ADK: variants seen among roughly 807,000 people sequenced by gnomAD.
ADK encodes N6,N6-dimethyladenosine kinase.
A neutral mutation model predicts 44.7 loss-of-function variants in ADK; 24 were observed. That is an observed-to-expected ratio of 0.54 (90% confidence interval 0.39 to 0.76). The LOEUF (loss-of-function observed/expected upper bound fraction) is 0.76, where lower values mean the gene tolerates loss of function less well. Ranked by LOEUF, ADK falls within the 30% of genes least tolerant of loss-of-function variation. The pLI, the probability that ADK is intolerant of heterozygous loss-of-function variation, is 0.00. For synonymous variants in ADK, 128 were observed against 142.6 expected, an observed-to-expected ratio of 0.90 and a Z score of 0.73; for missense variants, 321 against 425.1, an observed-to-expected ratio of 0.76 and a Z score of 2.15.
chr10:74,619,235 A>C (rs1322091976), intron 9 of ADK, among the ~76,000 whole-genome samples: 4 of 152,086 alleles, frequency 2.6e-5, no homozygotes, highest in Non-Finnish European at 5.9e-5. Flanking sequence ...CAGGCAGATC[A>C]CTTGAGGCCA....
chr10:74,437,618 T>C (rs1255739893), intron 6 of ADK, among the ~76,000 whole-genome samples: 1 of 152,210 alleles, frequency 6.6e-6, no homozygotes, highest in African/African-American at 2.4e-5. Context: ...ACCATTAGTA[T>C]TTTTCTCCTG....
At chr10:74,697,939 C>T (rs190632456) in intron 10 of ADK, among the ~76,000 whole-genome samples, 38 of 152,286 alleles carry the variant, frequency 2.5e-4, no homozygotes, top group Non-Finnish European at 1.9e-4. Flanking sequence ...ATACCAGATA[C>T]AATTTGTCAA....
At chr10:74,359,029 G>A (rs1842235375) in intron 4 of ADK, among the ~76,000 whole-genome samples, 1 of 151,914 alleles carries the variant, frequency 6.6e-6, no homozygotes, top group Non-Finnish European at 1.5e-5. Context: ...TTGACTCCTG[G>A]CTTCAAGCAA....
chr10:74,300,297 TCC>T lies in ADK; in HGVS notation c.195-14369_195-14368del, dbSNP rs1839974532. ...TTCCTTCCTTCCTTCCTTCCTTCCT[TCC>T]TTCCTTCCTTCTTTCCTTCCTTCCT... On this transcript the variant is annotated intron_variant, in intron 3 of 10. Coordinates refer to ENST00000539909, the MANE Select transcript of ADK (RefSeq NM_006721.4). Among the ~76,000 whole-genome samples, 3 of 85,882 alleles carry T rather than the reference TCC, an allele frequency of 3.5e-5. 1 individual carries two copies. In the South Asian group the frequency reaches 1.2e-3, roughly 35 times the overall value. 56.3% of individuals were successfully genotyped at this position (85,882 alleles called of 152,430 possible).
intron 1 of ADK, among the ~76,000 whole-genome samples, chr10:74,200,379 G>C (rs1430198563): frequency 6.6e-6 from 1 of 151,376 alleles, no homozygotes; most frequent in Admixed American, 6.6e-5. Context: ...AGCTACTCAG[G>C]AGGCTGAGGC....
chr10:74,239,027 A>C (rs11000937), intron 3 of ADK, among the ~76,000 whole-genome samples: 26,542 of 151,666 alleles, frequency 0.18, 2,745 homozygotes, highest in African/African-American at 0.29. Context: ...TGCCCAGCTA[A>C]TTTTTTCATA....
intron 7 of ADK, among the ~76,000 whole-genome samples, chr10:74,573,325 G>C (rs188228810): frequency 6.6e-6 from 1 of 152,150 alleles, no homozygotes. Flanking sequence ...GCAGATTTTC[G>C]TGAACCACAA....
chr10:74,546,338 A>G (rs1264559635), intron 7 of ADK, among the ~76,000 whole-genome samples: 1 of 152,204 alleles, frequency 6.6e-6, no homozygotes, highest in African/African-American at 2.4e-5. Flanking sequence ...TCAATGCAGT[A>G]ATTACTGTGT....
intron 6 of ADK, among the ~76,000 whole-genome samples, chr10:74,436,741 C>T (rs935614944): frequency 1.3e-5 from 2 of 152,104 alleles, no homozygotes; most frequent in African/African-American, 4.8e-5. Context: ...TGAACCTTGA[C>T]CTGATACAAA....
rs1856684913 is a variant in ADK at position 74,708,475 on chromosome 10, T to G, written c.*30T>G. 6.2e-7 allele frequency: 1 copy of G among 1,605,164 alleles called. No individual in the cohort carries two copies. Among genetic ancestry groups the G allele is most frequent in the Admixed American group, 1.7e-5 (1 of 59,794 alleles). The stretch of plus-strand genomic sequence containing the variant: ...AGAGCTGAAAACACAAGCCCAGGAG[T>G]GCAGACACTGCCCTAATTGCTTCCT... On this transcript the variant is annotated 3_prime_UTR_variant, in exon 11 of 11. Coordinates refer to ENST00000539909, the MANE Select transcript of ADK (RefSeq NM_006721.4).
At chr10:74,262,600 C>T (rs1305139998) in intron 3 of ADK, among the ~76,000 whole-genome samples, 1 of 152,138 alleles carries the variant, frequency 6.6e-6, no homozygotes, top group South Asian at 2.1e-4. Flanking sequence ...TCATGAAGCA[C>T]AACAAACCAA....
chr10:74,269,997 C>CA (rs1846364156), intron 3 of ADK, among the ~76,000 whole-genome samples: 1 of 151,404 alleles, frequency 6.6e-6, no homozygotes, highest in Admixed American at 6.6e-5. Context: ...GACTTCATTT[C>CA]AAAAAAATAA....
chr10:74,230,470 A>G (rs1403485546), intron 3 of ADK, among the ~76,000 whole-genome samples: 1 of 147,826 alleles, frequency 6.8e-6, no homozygotes, highest in African/African-American at 2.6e-5. Flanking sequence ...CTCTAAGTAT[A>G]TAGTCTTTTT....
At chr10:74,695,462 G>T in intron 10 of ADK, among the ~76,000 whole-genome samples, 1 of 141,364 alleles carries the variant, frequency 7.1e-6, no homozygotes, top group African/African-American at 2.8e-5. Flanking sequence ...TGTTGCTCTT[G>T]TATATATATA....
chr10:74,399,475 T>C (rs143851922), intron 6 of ADK, among the ~76,000 whole-genome samples: 6 of 152,016 alleles, frequency 3.9e-5, no homozygotes, highest in African/African-American at 1.4e-4. Context: ...AACATTGTTA[T>C]TGATTCCTCT....
intron 7 of ADK, among the ~76,000 whole-genome samples, chr10:74,562,608 T>C (rs1850502486): frequency 6.6e-6 from 1 of 152,254 alleles, no homozygotes; most frequent in Non-Finnish European, 1.5e-5. Context: ...GATATACATA[T>C]AAAAGAACAG....
chr10:74,660,943 A>G (rs1854699837), intron 9 of ADK, among the ~76,000 whole-genome samples: 1 of 151,250 alleles, frequency 6.6e-6, no homozygotes, highest in Non-Finnish European at 1.5e-5. Flanking sequence ...GAGGCAGAAG[A>G]ATCGCTTGAA....
intron 9 of ADK, among the ~76,000 whole-genome samples, chr10:74,638,989 T>G (rs1375609091): frequency 1.3e-5 from 2 of 152,036 alleles, no homozygotes; most frequent in Non-Finnish European, 2.9e-5. Flanking sequence ...TAAATTTTTT[T>G]GTAGAGACAG....
At chr10:74,539,221 C>G (rs1045742141) in intron 7 of ADK, among the ~76,000 whole-genome samples, 1 of 152,090 alleles carries the variant, frequency 6.6e-6, no homozygotes, top group Non-Finnish European at 1.5e-5. Flanking sequence ...GAGACAGGGT[C>G]TCACTGTGTT....
Sources: gnomAD v4.1 joint callset for allele counts (sites outside exome capture counted in the v4.1 genomes callset) on GRCh38, gnomAD v4.1.1 for gene constraint, MANE v1.5 for transcripts, NCBI Gene and HGNC (gene_info 2026-07-23, HGNC 2026-07-21) for gene names.